Variants in TMEM164 observed in about 807,000 individuals in gnomAD.
TMEM164 encodes the protein transmembrane protein 164, also known as RP13-360B22.2.
In TMEM164, 4 loss-of-function variants were observed where a neutral mutation model predicts 18.8. The ratio of observed to expected loss-of-function variants is 0.21; its 90% CI spans 0.10 to 0.49. TMEM164 has a LOEUF of 0.49. Ranked by LOEUF, TMEM164 falls within the 20% of genes least tolerant of loss-of-function variation. TMEM164 has a pLI of 0.98. For synonymous variants in TMEM164, 86 were observed against 101.7 expected, an observed-to-expected ratio of 0.85 and a Z score of 0.93; for missense variants, 108 against 239.9, an observed-to-expected ratio of 0.45 and a Z score of 3.63.
intron 3 of TMEM164, among the ~76,000 whole-genome samples, chrX:110,081,288 G>T (rs1305009520): frequency 1.8e-5 from 2 of 111,336 alleles, no homozygotes; most frequent in Non-Finnish European, 1.9e-5. Context: ...ATATAACTTG[G>T]CTAAGATTAC....
intron 5 of TMEM164, among the ~76,000 whole-genome samples, chrX:110,147,624 C>G (rs957361482): frequency 4.5e-5 from 5 of 110,260 alleles, no homozygotes; most frequent in African/African-American, 1.7e-4. Flanking sequence ...TTTTTCATCA[C>G]CACCATCACT....
chrX:110,107,094 A>T (rs1337452205), intron 3 of TMEM164, among the ~76,000 whole-genome samples: 1 of 112,338 alleles, frequency 8.9e-6, no homozygotes, highest in Non-Finnish European at 1.9e-5. Flanking sequence ...AGGGGCAGGG[A>T]AGGAAGAAGG....
chrX:110,172,757 T>C (rs1264518981), intron 6 of TMEM164, among the ~76,000 whole-genome samples: 1 of 112,116 alleles, frequency 8.9e-6, no homozygotes, highest in Non-Finnish European at 1.9e-5. Context: ...TGAAATCTTC[T>C]CTGAGGACTC....
chrX:110,167,004 A>G (rs1369985688), intron 5 of TMEM164, among the ~76,000 whole-genome samples: 1 of 112,127 alleles, frequency 8.9e-6, no homozygotes, highest in Admixed American at 9.4e-5. Flanking sequence ...TACTTGATCA[A>G]CTTTTCAATG....
chrX:110,098,949 A>C (rs2066066007), intron 3 of TMEM164, among the ~76,000 whole-genome samples: 2 of 96,779 alleles, frequency 2.1e-5, no homozygotes, highest in African/African-American at 7.9e-5. Context: ...ACACCCGGCT[A>C]ATTTTTTTTT....
chrX:110,095,260 A>G (rs889250215), intron 3 of TMEM164, among the ~76,000 whole-genome samples: 3 of 112,102 alleles, frequency 2.7e-5, no homozygotes, highest in African/African-American at 9.7e-5. Context: ...CCTGGATAAT[A>G]TGCTGCAGAG....
intron 3 of TMEM164, among the ~76,000 whole-genome samples, chrX:110,091,889 G>A (rs1432340430): frequency 4.5e-5 from 5 of 112,055 alleles, no homozygotes; most frequent in Non-Finnish European, 7.5e-5. Context: ...TTTTGCATAA[G>A]GTGTAAGGAA....
chrX:110,141,853 C>G (rs1333161136), intron 4 of TMEM164, among the ~76,000 whole-genome samples: 1 of 111,278 alleles, frequency 9.0e-6, no homozygotes, highest in Non-Finnish European at 1.9e-5. Flanking sequence ...CTTTCTCTTA[C>G]ATCTTCTTCC....
chrX:110,019,818 C>G (rs1244736585), intron 2 of TMEM164, among the ~76,000 whole-genome samples: 1 of 111,978 alleles, frequency 8.9e-6, no homozygotes, highest in Non-Finnish European at 1.9e-5. Context: ...ATCTTAATCT[C>G]CTTATGATAG....
intron 3 of TMEM164, among the ~76,000 whole-genome samples, chrX:110,096,946 C>T (rs917596952): frequency 1.8e-5 from 2 of 111,730 alleles, no homozygotes; most frequent in African/African-American, 6.5e-5. Flanking sequence ...ACTCTTAGAT[C>T]CAGGGGTTTA....
At chrX:110,023,107 TG>T (rs1344995811) in intron 2 of TMEM164, among the ~76,000 whole-genome samples, 1 of 111,637 alleles carries the variant, frequency 9.0e-6, no homozygotes, top group African/African-American at 3.3e-5. Context: ...CCTTATGGTT[TG>T]GGGGAGGGGA....
At chrX:110,039,054 AGT>A (rs969418605) in intron 2 of TMEM164, among the ~76,000 whole-genome samples, 1 of 111,616 alleles carries the variant, frequency 9.0e-6, no homozygotes, top group African/African-American at 3.3e-5. Context: ...AACTTGGGGA[AGT>A]TTCTTAATTT....
At position 110,173,788 on chromosome X, in the gene TMEM164, GAAC is replaced by G; in HGVS notation, c.*343_*345del. ...AACAACAGCTGGTTGAGGAGAAAGG[GAAC>G]AACAAGTAGTAGTTCTTTTGGCATC... is the stretch of plus-strand genomic sequence containing the variant. On this transcript the variant is annotated 3_prime_UTR_variant, in exon 7 of 7. Coordinates refer to ENST00000372068, the MANE Select transcript of TMEM164 (RefSeq NM_032227.4). 1 of 238,057 alleles carries G rather than the reference GAAC, an allele frequency of 4.2e-6. No homozygotes were observed. Among genetic ancestry groups the G allele is most frequent in the Non-Finnish European group, 7.4e-6 (1 of 134,325 alleles). 19.6% of individuals were successfully genotyped at this position (238,057 alleles called of 1,213,427 possible). A position where few individuals can be genotyped will look rare whatever the true frequency, so the allele number is the denominator to read the frequency against.
intron 5 of TMEM164, among the ~76,000 whole-genome samples, chrX:110,151,860 T>A (rs1038749902): frequency 9.0e-6 from 1 of 111,467 alleles, no homozygotes; most frequent in African/African-American, 3.3e-5. Context: ...TGCTCATTGT[T>A]CAATTGTGTT....
chrX:110,026,568 A>C, intron 2 of TMEM164, among the ~76,000 whole-genome samples: 1 of 111,737 alleles, frequency 8.9e-6, no homozygotes, highest in Non-Finnish European at 1.9e-5. Flanking sequence ...TCTTCACAGT[A>C]ATGATAACAG....
intron 2 of TMEM164, among the ~76,000 whole-genome samples, chrX:110,037,822 C>G (rs1435759684): frequency 8.9e-6 from 1 of 111,740 alleles, no homozygotes; most frequent in Non-Finnish European, 1.9e-5. Flanking sequence ...TTAAGTTGAA[C>G]CTTTCAATTA....
At chrX:110,145,868 A>C (rs951931345) in intron 5 of TMEM164, among the ~76,000 whole-genome samples, 1 of 111,929 alleles carries the variant, frequency 8.9e-6, no homozygotes, top group African/African-American at 3.2e-5. Context: ...ACCCAGGAAC[A>C]TATTACAGGA....
At chrX:110,162,109 C>T (rs1052945154) in intron 5 of TMEM164, among the ~76,000 whole-genome samples, 2 of 112,777 alleles carry the variant, frequency 1.8e-5, no homozygotes, top group Admixed American at 9.4e-5. Flanking sequence ...ACTGCTGTAG[C>T]GGATTCTGAT....
chrX:110,137,864 G>C (rs922647172), intron 4 of TMEM164, among the ~76,000 whole-genome samples: 2 of 112,306 alleles, frequency 1.8e-5, no homozygotes, highest in Admixed American at 1.9e-4. Flanking sequence ...GAATAGGACT[G>C]TTTTGGGTAA....
Sources: gnomAD v4.1 joint callset for allele counts (sites outside exome capture counted in the v4.1 genomes callset) on GRCh38, gnomAD v4.1.1 for gene constraint, MANE v1.5 for transcripts, NCBI Gene and HGNC (gene_info 2026-07-23, HGNC 2026-07-21) for gene names.